Variants in ANXA7 observed in about 807,000 individuals in gnomAD.
ANXA7 encodes the protein annexin VII.
ANXA7 carries 55 observed loss-of-function variants against 64.9 expected under a neutral mutation model. That is an observed-to-expected ratio of 0.85 (90% CI 0.68 to 1.06). The LOEUF is 1.06. Ranked by LOEUF, ANXA7 falls within the 50% of genes least tolerant of loss-of-function variation. The probability of loss-of-function intolerance (pLI) is 0.00; values close to 1 mark genes in which losing one functional copy is unlikely to be tolerated. For synonymous variants in ANXA7, 200 were observed against 192.4 expected (o/e 1.04, Z -0.33); for missense variants, 548 against 582.1 (o/e 0.94, Z 0.60).
At chr10:73,379,485 G>A (rs2055238768) in intron 11 of ANXA7, among the ~76,000 whole-genome samples, 1 of 152,204 alleles carries the variant, frequency 6.6e-6, no homozygotes, top group Admixed American at 6.5e-5. Flanking sequence ...CTGAGTACCT[G>A]AAATATCTGT....
At chr10:73,401,267 C>T (rs201743565) in intron 1 of ANXA7, among the ~76,000 whole-genome samples, 5 of 147,490 alleles carry the variant, frequency 3.4e-5, no homozygotes, top group African/African-American at 1.3e-4. Flanking sequence ...ATACACAACA[C>T]ACACACACAC....
intron 5 of ANXA7, among the ~76,000 whole-genome samples, chr10:73,394,978 A>C (rs1482128772): frequency 2.0e-5 from 3 of 152,222 alleles, no homozygotes; most frequent in African/African-American, 7.2e-5. Context: ...ATGCATGCTT[A>C]AACTAAAATC....
intron 2 of ANXA7, among the ~76,000 whole-genome samples, chr10:73,398,617 G>T (rs574533785): frequency 6.6e-6 from 1 of 151,846 alleles, no homozygotes; most frequent in Non-Finnish European, 1.5e-5. Context: ...GGCAAGAGGG[G>T]TCTGCTTCTC....
At position 73,376,204 on chromosome 10, in the gene ANXA7, T is replaced by G. The variant is rs1293025761; in HGVS notation, c.1292A>C (p.Gln431Pro). The G allele has an allele frequency of 6.3e-7, 1 of 1,583,908 alleles. No homozygotes were observed. Among genetic ancestry groups the G allele is most frequent in the African/African-American group, 1.4e-5 (1 of 73,790 alleles). Reference protein sequence around the residue: ...VVTRSEIDLVQIKQMFAQMYQ... With the variant: ...VVTRSEIDLVPIKQMFAQMYQ... ...CATCTGAGCGAACATCTGTTTTATT[T>G]GTACAAGGTCAATCTGCATAAGAAA... The change falls in exon 13 of 13, where the codon CAA becomes CCA. Residue 431 changes from glutamine (Q) to proline (P), a missense_variant. By Grantham distance (76) the Gln-to-Pro change is moderately conservative (BLOSUM62 -1). Coordinates refer to ENST00000372921, the MANE Select transcript of ANXA7 (RefSeq NM_001156.5).
chr10:73,387,777 T>A lies in ANXA7; in HGVS notation c.545A>T (p.Asp182Val). The A allele has an allele frequency of 1.2e-6, 2 of 1,610,736 alleles. No individual in the cohort carries two copies. Among genetic ancestry groups the A allele is most frequent in the Non-Finnish European group, 1.7e-6 (2 of 1,179,408 alleles). The change falls in exon 7 of 13, where the codon GAT becomes GTT. Residue 182 changes from aspartate to valine, a missense_variant. Transcript: ENST00000372921. ...LRKAMKGFGTDEQAIVDVVAN... is the reference protein window; with the variant it reads ...LRKAMKGFGTVEQAIVDVVAN... Reference sequence around the variant, plus strand: ...CACCACATCCACAATTGCCTGCTCATCTGTCCCTGGAAGAACCACACATGT... The same window carrying A: ...CACCACATCCACAATTGCCTGCTCAACTGTCCCTGGAAGAACCACACATGT...
intron 9 of ANXA7, chr10:73,381,531 C>T (rs1271731722): frequency 2.0e-5 from 3 of 152,228 alleles, no homozygotes; most frequent in Middle Eastern, 6.8e-3. Context: ...ACAAGGAATA[C>T]GTAGAGGCAC....
In ANXA7 at chr10:73,397,209, G is replaced by A. The variant is rs754911508; in HGVS notation, c.325C>T (p.Pro109Ser). 2 of 1,612,482 alleles carry A rather than the reference G, an allele frequency of 1.2e-6. No individual in the cohort carries two copies. Among genetic ancestry groups the A allele is most frequent in the East Asian group, 2.2e-5 (1 of 44,846 alleles). Reference sequence around the variant, plus strand: ...GGACCACCTCCATAAGACTGTGAAGGTGGCTGTGGATACCCAGAAAAGCCT... The same window carrying A: ...GGACCACCTCCATAAGACTGTGAAGATGGCTGTGGATACCCAGAAAAGCCT... ...GAGFSGYPQP[P>S]SQSYGGGPAQ... The change falls in exon 4 of 13, where the codon CCT becomes TCT. Residue 109 changes from proline (P) to serine (S), a missense_variant. Coordinates refer to ENST00000372921, the MANE Select transcript of ANXA7 (RefSeq NM_001156.5).
chr10:73,379,830 C>A (rs778333488), intron 11 of ANXA7, 49 bp downstream of exon 11: 1 of 1,512,314 alleles, frequency 6.6e-7, no homozygotes, highest in Non-Finnish European at 9.2e-7. Flanking sequence ...CTATTCAAAG[C>A]TCCCACTCAT....
chr10:73,399,344 G>GTT (rs1445219023), intron 2 of ANXA7, among the ~76,000 whole-genome samples: 1 of 152,206 alleles, frequency 6.6e-6, no homozygotes, highest in African/African-American at 2.4e-5. Context: ...GACTGAAATA[G>GTT]TTACTACAGT....
At chr10:73,391,670 G>C (rs2055485240) in intron 5 of ANXA7, among the ~76,000 whole-genome samples, 1 of 152,098 alleles carries the variant, frequency 6.6e-6, no homozygotes, top group Admixed American at 6.6e-5. Flanking sequence ...AACAGAATTA[G>C]AGAACTGGAT....
At chr10:73,407,809 T>A (rs768956389) in intron 1 of ANXA7, among the ~76,000 whole-genome samples, 1 of 152,144 alleles carries the variant, frequency 6.6e-6, no homozygotes, top group Non-Finnish European at 1.5e-5. Flanking sequence ...GCTAAAAATG[T>A]GCTGAATTGA....
Position 73,378,981 on chromosome 10 carries a change from A to G in ANXA7, c.1208T>C (p.Leu403Pro). Residue 403 changes from leucine to proline, a missense_variant, in exon 12 of 13, where the codon CTC (leucine) becomes CCC (proline). Transcript: ENST00000372921. The part of the protein sequence containing the change: ...LNRPAFFAER[L>P]YYAMKGAGTD... ...GCCAGCACCTTTCATAGCATAGTAG[A>G]GCCTCTCAGCAAAGAAGGCAGGGCG... 1.2e-6 allele frequency: 2 copies of G among 1,613,488 alleles called. No homozygotes were observed. The highest frequency in any genetic ancestry group is 1.7e-6 in the Non-Finnish European group (2 of 1,179,704).
chr10:73,383,183 T>A lies in ANXA7; in HGVS notation c.910A>T (p.Met304Leu). The A allele has an allele frequency of 6.2e-7, 1 of 1,612,410 alleles. No individual in the cohort carries two copies. Among genetic ancestry groups the A allele is most frequent in the Non-Finnish European group, 8.5e-7 (1 of 1,178,932 alleles). Residue 304 changes from methionine to leucine, a missense_variant, in exon 9 of 13, where the codon ATG becomes TTG. Transcript: ENST00000372921. ...ATTCATACTATACTCACCTGGCACATGGACACAAGTAAACGTTCAAAATGT... is the reference window on the plus strand; with the variant it reads ...ATTCATACTATACTCACCTGGCACAAGGACACAAGTAAACGTTCAAAATGT... ...SGHFERLLVSMCQGNRDENQS... is the reference protein window; with the variant it reads ...SGHFERLLVSLCQGNRDENQS...
intron 1 of ANXA7, among the ~76,000 whole-genome samples, chr10:73,413,599 C>T (rs1298210992): frequency 1.3e-5 from 2 of 152,206 alleles, no homozygotes; most frequent in Admixed American, 6.5e-5. Flanking sequence ...AAAAATTTCC[C>T]CAAGTTTCCC....
intron 12 of ANXA7, among the ~76,000 whole-genome samples, chr10:73,378,356 T>G (rs1047181646): frequency 7.9e-6 from 1 of 126,134 alleles, no homozygotes; most frequent in East Asian, 2.4e-4. Context: ...CCAGTCTGGG[T>G]GACAGAGTGA....
chr10:73,399,880 G>A (rs2055633702), intron 2 of ANXA7, among the ~76,000 whole-genome samples: 1 of 151,568 alleles, frequency 6.6e-6, no homozygotes, highest in Non-Finnish European at 1.5e-5. Context: ...AATGGCTCAT[G>A]CCTATAATCC....
intron 12 of ANXA7, among the ~76,000 whole-genome samples, chr10:73,377,773 G>GGGGGGTGTGTGT (rs1554815379): frequency 0.02 from 2,529 of 124,616 alleles, 107 homozygotes; most frequent in East Asian, 0.081. Context: ...GGTGGGTGTG[G>GGGGGGTGTGTGT]GTGTGTGTGT....
chr10:73,389,522 T>C (rs748221005), intron 5 of ANXA7, among the ~76,000 whole-genome samples: 8 of 152,232 alleles, frequency 5.3e-5, no homozygotes, highest in Non-Finnish European at 1.2e-4. Flanking sequence ...GAGTAAAGGG[T>C]ATATACAAAT....
chr10:73,376,588 G>A (rs912179276), intron 12 of ANXA7, among the ~76,000 whole-genome samples: 1 of 152,248 alleles, frequency 6.6e-6, no homozygotes, highest in South Asian at 2.1e-4. Context: ...TGCAGCTGCT[G>A]TGGAAACTAA....
Sources: gnomAD v4.1 joint callset for allele counts (sites outside exome capture counted in the v4.1 genomes callset) on GRCh38, gnomAD v4.1.1 for gene constraint, MANE v1.5 for transcripts, NCBI Gene and HGNC (gene_info 2026-07-23, HGNC 2026-07-21) for gene names.